AXDND1: variants seen among roughly 807,000 people sequenced by gnomAD.
AXDND1 encodes the protein axonemal dynein light chain domain containing 1.
In AXDND1, 110 loss-of-function variants were observed where a neutral mutation model predicts 137.5. That is an observed-to-expected ratio of 0.80 (90% CI 0.69 to 0.94). The LOEUF is 0.94. Among genes scored for constraint, AXDND1 ranks in the 40% least tolerant of loss-of-function variants. The probability of loss-of-function intolerance (pLI) is 0.00; values close to 1 mark genes in which losing one functional copy is unlikely to be tolerated. For synonymous variants in AXDND1, 414 were observed against 399.7 expected, an observed-to-expected ratio of 1.04 and a Z score of -0.43; for missense variants, 1,191 against 1,169.8, an observed-to-expected ratio of 1.02 and a Z score of -0.26.
chr1:179,416,419 G>A (rs941880123), intron 12 of AXDND1, among the ~76,000 whole-genome samples: 12 of 152,024 alleles, frequency 7.9e-5, no homozygotes, highest in African/African-American at 2.7e-4. Flanking sequence ...CTTTCTTTAG[G>A]ACATGTACCC....
chr1:179,533,535 C>G (rs1211281034), intron 23 of AXDND1, among the ~76,000 whole-genome samples: 1 of 151,330 alleles, frequency 6.6e-6, no homozygotes, highest in South Asian at 2.1e-4. Flanking sequence ...ACTGTTTCCC[C>G]TGCTTCTTCT....
At chr1:179,538,818 T>TG (rs1041179999) in intron 25 of AXDND1, among the ~76,000 whole-genome samples, 14 of 151,518 alleles carry the variant, frequency 9.2e-5, no homozygotes, top group African/African-American at 3.4e-4. Flanking sequence ...TATTATTGTG[T>TG]GGGAGTCTAA....
intron 20 of AXDND1, among the ~76,000 whole-genome samples, chr1:179,501,367 A>G (rs1193726570): frequency 1.3e-5 from 2 of 152,208 alleles, no homozygotes; most frequent in Non-Finnish European, 2.9e-5. Flanking sequence ...ATGGCCTTTT[A>G]TATAAGCATG....
intron 20 of AXDND1, among the ~76,000 whole-genome samples, chr1:179,493,934 A>G (rs1371739427): frequency 6.6e-6 from 1 of 152,098 alleles, no homozygotes. Context: ...ATACTCACTG[A>G]CACTTGATAT....
In AXDND1 at chr1:179,430,515, C is replaced by T. The variant is rs115060225; in HGVS notation, c.1396C>T (p.Leu466Phe). The T allele has an allele frequency of 6.2e-7, 1 of 1,613,880 alleles. No individual in the cohort carries two copies. The highest frequency in any genetic ancestry group is 1.3e-5 in the African/African-American group (1 of 75,010). ...TQKWRNLVNK[L>F]KQEVEQMEES... is the part of the protein sequence containing the mutation. ...AAAATGGAGAAACTTAGTGAATAAA[C>T]TTAAACAAGAGGTAGAACAAATGGA... The change falls in exon 14 of 26, where the codon CTT (leucine) becomes TTT (phenylalanine). Residue 466 changes from leucine to phenylalanine, a missense_variant. Coordinates refer to ENST00000367618, the MANE Select transcript of AXDND1 (RefSeq NM_144696.6).
chr1:179,499,995 TAATA>T (rs1031863584), intron 20 of AXDND1, among the ~76,000 whole-genome samples: 20 of 152,222 alleles, frequency 1.3e-4, no homozygotes, highest in African/African-American at 4.1e-4. Context: ...ATCAAACATT[TAATA>T]AATAAATAAT....
chr1:179,492,009 C>T (rs143840624), intron 19 of AXDND1, among the ~76,000 whole-genome samples: 1 of 152,166 alleles, frequency 6.6e-6, no homozygotes, highest in Non-Finnish European at 1.5e-5. Flanking sequence ...AAATAAGACA[C>T]ATCTTACACT....
chr1:179,548,035 T>C (rs188531575), intron 25 of AXDND1, among the ~76,000 whole-genome samples: 56 of 152,202 alleles, frequency 3.7e-4, no homozygotes, highest in African/African-American at 1.3e-3. Context: ...AACAAATGCT[T>C]GTTATATCAT....
intron 25 of AXDND1, among the ~76,000 whole-genome samples, chr1:179,538,172 T>C (rs1007841633): frequency 2.6e-5 from 4 of 152,124 alleles, no homozygotes; most frequent in African/African-American, 9.7e-5. Context: ...TTTTGAAGGG[T>C]TTTTTGTGTC....
intron 4 of AXDND1, among the ~76,000 whole-genome samples, chr1:179,374,536 T>C (rs1424175219): frequency 6.6e-6 from 1 of 152,168 alleles, no homozygotes; most frequent in African/African-American, 2.4e-5. Flanking sequence ...ATATGTTTAT[T>C]GCGGCACTAT....
chr1:179,537,878 T>C (rs56237305), intron 25 of AXDND1, among the ~76,000 whole-genome samples: 46,979 of 152,022 alleles, frequency 0.31, 7,819 homozygotes, highest in Middle Eastern at 0.43. Context: ...CCACCTGTTA[T>C]TGGTCTATTC....
intron 7 of AXDND1, among the ~76,000 whole-genome samples, chr1:179,383,173 G>C (rs1018036017): frequency 6.6e-6 from 1 of 151,578 alleles, no homozygotes; most frequent in Admixed American, 6.6e-5. Context: ...TTCTTACACT[G>C]CTATATGATA....
chr1:179,429,423 G>A (rs139267276), intron 12 of AXDND1, 95 bp from the exon 13 acceptor site: 95 of 571,770 alleles, frequency 1.7e-4, no homozygotes, highest in Middle Eastern at 1.0e-3. Context: ...TTGAGTTAAT[G>A]ATTCCATGAA....
At chr1:179,407,388 C>T (rs761134523) in intron 11 of AXDND1, among the ~76,000 whole-genome samples, 18 of 151,958 alleles carry the variant, frequency 1.2e-4, no homozygotes, top group East Asian at 7.7e-4. Flanking sequence ...CCACCATGAC[C>T]GGCTAATTTT....
At chr1:179,523,796 T>A (rs1670290337) in intron 21 of AXDND1, among the ~76,000 whole-genome samples, 1 of 152,242 alleles carries the variant, frequency 6.6e-6, no homozygotes, top group East Asian at 1.9e-4. Context: ...TTCTCAGATT[T>A]TGGTGCACCC....
chr1:179,392,318 T>G (rs1201979465), intron 9 of AXDND1, among the ~76,000 whole-genome samples: 1 of 152,268 alleles, frequency 6.6e-6, no homozygotes, highest in Non-Finnish European at 1.5e-5. Context: ...TTTCATCTTA[T>G]AGCTAAGTAG....
At chr1:179,486,119 C>CAAAAAA (rs1173009992) in intron 18 of AXDND1, among the ~76,000 whole-genome samples, 1 of 22,652 alleles carries the variant, frequency 4.4e-5, no homozygotes, top group Non-Finnish European at 9.6e-5. Context: ...AACTCTGTCT[C>CAAAAAA]AAAAAAAAAA....
chr1:179,425,111 C>T (rs1200033318), intron 12 of AXDND1, among the ~76,000 whole-genome samples: 2 of 152,172 alleles, frequency 1.3e-5, no homozygotes, highest in African/African-American at 4.8e-5. Context: ...ATGTCTATTA[C>T]TTTGCATTGA....
chr1:179,408,456 A>G (rs1388872330), intron 11 of AXDND1, among the ~76,000 whole-genome samples: 1 of 151,700 alleles, frequency 6.6e-6, no homozygotes, highest in Non-Finnish European at 1.5e-5. Context: ...GGCTCACTTC[A>G]ACCACTGCCT....
Sources: allele counts gnomAD v4.1 joint callset (sites outside exome capture counted in the v4.1 genomes callset), GRCh38; gene constraint gnomAD v4.1.1; transcripts MANE v1.5; gene names NCBI Gene and HGNC (gene_info 2026-07-23, HGNC 2026-07-21).